Variants in KDM4B observed in about 807,000 individuals in gnomAD.
KDM4B encodes lysine-specific demethylase 4B.
A neutral mutation model predicts 125.2 loss-of-function variants in KDM4B; 32 were observed. The observed-to-expected ratio is 0.26, with a 90% CI of 0.19 to 0.34. The LOEUF (loss-of-function observed/expected upper bound fraction) is 0.34. KDM4B is among the 10% of genes least tolerant of loss of function. KDM4B has a pLI of 1.00. For synonymous variants in KDM4B, 721 were observed against 677.9 expected (o/e 1.06, Z -0.99); for missense variants, 1,190 against 1,577.7 (o/e 0.75, Z 4.16).
At chr19:4,995,559 A>G (rs781700834) in intron 1 of KDM4B, among the ~76,000 whole-genome samples, 6 of 152,096 alleles carry the variant, frequency 3.9e-5, no homozygotes, top group Non-Finnish European at 7.4e-5. Context: ...GATTACAGGC[A>G]TGATCCTCTG....
chr19:5,077,655 A>G, intron 8 of KDM4B, 185 bp downstream of exon 8: 1 of 576,202 alleles, frequency 1.7e-6, no homozygotes, highest in Admixed American at 3.2e-5. Context: ...CGGGGAAGCG[A>G]AGATGGCAGA....
chr19:5,021,154 A>AAG (rs34913847), intron 2 of KDM4B, among the ~76,000 whole-genome samples: 53,560 of 147,948 alleles, frequency 0.36, 10,562 homozygotes, highest in East Asian at 0.69. Context: ...AAAAAAAAAA[A>AAG]AAAGAAAGAA....
intron 11 of KDM4B, among the ~76,000 whole-genome samples, chr19:5,127,879 C>T (rs573605305): frequency 4.6e-5 from 7 of 152,272 alleles, no homozygotes; most frequent in African/African-American, 1.7e-4. Context: ...CAGGAGGCCC[C>T]GTTGGTCGGG....
intron 16 of KDM4B, 91 bp downstream of exon 16, chr19:5,137,429 T>C: frequency 3.8e-6 from 5 of 1,319,176 alleles, no homozygotes; most frequent in Non-Finnish European, 4.2e-6. Flanking sequence ...TAGTCTCCCC[T>C]CCGTGGGCCT....
Position 5,132,485 on chromosome 19 carries a change from T to C in KDM4B, c.1906+478T>C, listed in dbSNP as rs76555190. On this transcript the variant is annotated intron_variant, in intron 13 of 22. Transcript: ENST00000159111. Reference sequence around the variant, plus strand: ...GCTTCGGCCTTTCATTGGGGATGCATGTAGAATCTGAAAATGGTCTGGATG... The same window carrying C: ...GCTTCGGCCTTTCATTGGGGATGCACGTAGAATCTGAAAATGGTCTGGATG... Among the ~76,000 whole-genome samples the C allele has an allele frequency of 5.1e-3, 769 of 152,060 alleles. 10 individuals are homozygous for C. Among genetic ancestry groups the C allele is most frequent in the African/African-American group, 0.017 (703 of 41,476 alleles).
intron 6 of KDM4B, among the ~76,000 whole-genome samples, chr19:5,063,639 G>T (rs972165243): frequency 6.6e-6 from 1 of 152,228 alleles, no homozygotes; most frequent in East Asian, 1.9e-4. Context: ...CTGTGGCACT[G>T]AGCCCAGCAA....
Position 5,089,395 on chromosome 19 carries a change from G to C in KDM4B, c.918+6891G>C, listed in dbSNP as rs146398842. On this transcript the variant is annotated intron_variant, in intron 9 of 22. Transcript: ENST00000159111. Reference sequence around the variant, plus strand: ...TATCTGTAGCCCCGTTTGTTGTAGTGGAAAGTTCTATGACCAGGGGATGGG... The same window carrying C: ...TATCTGTAGCCCCGTTTGTTGTAGTCGAAAGTTCTATGACCAGGGGATGGG... Among the ~76,000 whole-genome samples the C allele has an allele frequency of 1.8e-3, 275 of 152,302 alleles. 1 individual carries two copies. The highest frequency in any genetic ancestry group is 6.4e-3 in the African/African-American group (268 of 41,552).
At chr19:5,077,295 CAG>C in intron 7 of KDM4B, 70 bp from the exon 8 acceptor site, 1 of 1,321,674 alleles carries the variant, frequency 7.6e-7, no homozygotes, top group Non-Finnish European at 1.1e-6. Flanking sequence ...CCAGCCTGCC[CAG>C]AGGGCAGCAT....
rs982237128 is a variant in KDM4B, at chr19:5,031,240, C to T, written c.-25-1626C>T. ...TTGGGTACTGGGACCTGGCTGTGGG[C>T]GAGGGGCCCGCTGGGACAGTGTGGT... On this transcript the variant is annotated intron_variant, in intron 2 of 22. Coordinates refer to ENST00000159111, the MANE Select transcript of KDM4B (RefSeq NM_015015.3). Among the ~76,000 whole-genome samples the T allele has an allele frequency of 8.9e-4, 135 of 152,200 alleles. 1 individual carries two copies. The highest frequency in any genetic ancestry group is 3.2e-3 in the African/African-American group (132 of 41,460).
At chr19:5,140,952 C>T (rs1319317010) in intron 18 of KDM4B, 1 of 152,262 alleles carries the variant, frequency 6.6e-6, no homozygotes, top group Admixed American at 6.5e-5. Flanking sequence ...TCTTCCCAGC[C>T]GCGGACACAG....
rs1324692119 is a variant in KDM4B, at chr19:4,997,760, G to A, written c.-108-18497G>A. On this transcript the variant is annotated intron_variant, in intron 1 of 22. Transcript: ENST00000159111. The surrounding 1 kb of genome is among the most constrained non-coding windows in gnomAD (Gnocchi z 4.2). ...TGGGGGCTCCAGGACCTCGTCATCAGCCTCTTCATCCTTACTGTCTGGTCT... is the reference window on the plus strand; with the variant it reads ...TGGGGGCTCCAGGACCTCGTCATCAACCTCTTCATCCTTACTGTCTGGTCT... 6.6e-6 allele frequency among the ~76,000 whole-genome samples: 1 copy of A among 152,204 alleles called. No homozygotes were observed. The highest frequency in any genetic ancestry group is 6.5e-5 in the Admixed American group (1 of 15,282).
At chr19:5,004,403 C>T (rs920297656) in intron 1 of KDM4B, among the ~76,000 whole-genome samples, 4 of 152,218 alleles carry the variant, frequency 2.6e-5, no homozygotes, top group Non-Finnish European at 5.9e-5. Flanking sequence ...CCCGCCAGCT[C>T]CTTGGCCCTT....
chr19:5,133,952 A>G lies in KDM4B; in HGVS notation c.1976A>G (p.Gln659Arg), dbSNP rs2039603493. The change falls in exon 14 of 23, where the codon CAG (glutamine) becomes CGG (arginine). Residue 659 changes from glutamine (Q) to arginine (R), a missense_variant. Gln to Arg is a conservative substitution (Grantham distance 43). This residue lies in a region of KDM4B where 128 missense variants were observed against 137.8 expected (regional missense o/e 0.93). Transcript: ENST00000159111. Reference sequence around the variant, plus strand: ...GCCTTGAGGCCGCTGCTGTCTCTGCAGTGGAAGAACAGGGCGGCCAGCTTC... The same window carrying G: ...GCCTTGAGGCCGCTGCTGTCTCTGCGGTGGAAGAACAGGGCGGCCAGCTTC... ...PDALRPLLSLQWKNRAASFQA... is the reference protein window; with the variant it reads ...PDALRPLLSLRWKNRAASFQA... 6.2e-7 allele frequency: 1 copy of G among 1,612,926 alleles called. No homozygotes were observed. The highest frequency in any genetic ancestry group is 8.5e-7 in the Non-Finnish European group (1 of 1,179,936).
chr19:5,079,360 A>AC, intron 8 of KDM4B, among the ~76,000 whole-genome samples: 1 of 152,162 alleles, frequency 6.6e-6, no homozygotes, highest in East Asian at 1.9e-4. Flanking sequence ...GGGGACAGAC[A>AC]CCGTGAGTGT....
At chr19:5,149,598 C>T (rs185438971) in intron 21 of KDM4B, among the ~76,000 whole-genome samples, 1 of 152,222 alleles carries the variant, frequency 6.6e-6, no homozygotes, top group Admixed American at 6.5e-5. Context: ...CGGCGCCCAT[C>T]GCAGTTATGA....
chr19:5,059,026 C>T (rs1599526781), intron 6 of KDM4B, among the ~76,000 whole-genome samples: 2 of 152,232 alleles, frequency 1.3e-5, no homozygotes, highest in South Asian at 2.1e-4. Flanking sequence ...GGGGTCTGTG[C>T]GTGCCCGCGG....
intron 18 of KDM4B, among the ~76,000 whole-genome samples, chr19:5,139,625 G>A (rs975090213): frequency 6.6e-6 from 1 of 152,232 alleles, no homozygotes; most frequent in Non-Finnish European, 1.5e-5. Context: ...TAGCAGGTGC[G>A]AGGTGGTCTC....
At chr19:5,050,483 G>A (rs75408357) in intron 6 of KDM4B, among the ~76,000 whole-genome samples, 2,866 of 152,354 alleles carry the variant, frequency 0.019, 82 homozygotes, top group South Asian at 0.067. Context: ...GGGAGGGTCC[G>A]AGCTTTCCAC....
intron 6 of KDM4B, among the ~76,000 whole-genome samples, chr19:5,055,949 T>C (rs779737162): frequency 1.3e-4 from 20 of 152,208 alleles, no homozygotes; most frequent in Non-Finnish European, 2.5e-4. Flanking sequence ...CGTTATGAAC[T>C]AAGATCCATT....
Sources: allele counts gnomAD v4.1 joint callset (sites outside exome capture counted in the v4.1 genomes callset), GRCh38; gene constraint gnomAD v4.1.1; regional missense constraint gnomAD v4.1.1; non-coding constraint Gnocchi (gnomAD v3.1); transcripts MANE v1.5; gene names NCBI Gene and HGNC (gene_info 2026-07-23, HGNC 2026-07-21).